Variants in GARRE1 observed in about 807,000 individuals in gnomAD.
The protein encoded by GARRE1 is granule associated Rac and RHOG effector 1, also known as granule associated Rac and RHOG effector protein 1.
GARRE1 carries 49 observed loss-of-function variants against 103.2 expected under a neutral mutation model. The ratio of observed to expected loss-of-function variants is 0.47; its 90% CI spans 0.38 to 0.60. The LOEUF (loss-of-function observed/expected upper bound fraction) is 0.60, where lower values mean the gene tolerates loss of function less well. Ranked by LOEUF, GARRE1 falls within the 20% of genes least tolerant of loss-of-function variation. The pLI is 0.00. For missense variants in GARRE1, 1,199 were observed against 1,370.5 expected, an observed-to-expected ratio of 0.87 and a Z score of 1.98; for synonymous variants, 505 against 532.8, an observed-to-expected ratio of 0.95 and a Z score of 0.72.
chr19:34,296,668 G>A (rs1019875377), intron 1 of GARRE1: 19 of 907,936 alleles, frequency 2.1e-5, no homozygotes, highest in Admixed American at 5.6e-5. Context: ...CTTTGTGATC[G>A]GGGTTTCTTG....
Position 34,342,277 on chromosome 19 carries a change from A to G in GARRE1, c.2343A>G (p.Ile781Met), listed in dbSNP as rs745472349. The G allele has an allele frequency of 3.7e-6, 6 of 1,614,070 alleles. No individual in the cohort carries two copies. The African/African-American group carries it at 6.7e-5, about 18-fold the overall frequency. ...CTCCTCTTGGTCAGTGGCCTGGCAT[A>G]TCTGATCTCAGTTCTGACTTGTACA... ...GLSPLGQWPG[I>M]SDLSSDLYSL... Residue 781 changes from isoleucine (I) to methionine (M), a missense_variant, in exon 10 of 14, where the codon ATA becomes ATG. By Grantham distance (10) the Ile-to-Met change is conservative. Transcript: ENST00000299505.
At position 34,352,949 on chromosome 19, in the gene GARRE1, G is replaced by A; in HGVS notation, c.3207G>A (p.Gln1069=). ...KGERRPAYLP[Q]Y is the part of the protein sequence containing the mutation. ...AGCGCAGGCCAGCCTATCTGCCCCA[G>A]TACTGACCCCAGGCCAGCCAGCCTG... The change falls in exon 14 of 14, where the codon CAG becomes CAA. Residue 1069 remains glutamine (Q), a synonymous_variant. Coordinates refer to ENST00000299505, the MANE Select transcript of GARRE1 (RefSeq NM_014686.5). 1 of 1,506,816 alleles carries A rather than the reference G, an allele frequency of 6.6e-7. No individual in the cohort carries two copies. The highest frequency in any genetic ancestry group is 8.9e-7 in the Non-Finnish European group (1 of 1,123,288). 93.3% of individuals were successfully genotyped at this position (1,506,816 alleles called of 1,614,324 possible).
At chr19:34,254,728 G>A (rs1372034719) in intron 1 of GARRE1, 114 bp downstream of exon 1, 1 of 147,592 alleles carries the variant, frequency 6.8e-6, no homozygotes, top group African/African-American at 2.4e-5. Context: ...ACGGGCCCGC[G>A]GGGCGCCGCT....
chr19:34,352,350 C>T (rs938263292), intron 13 of GARRE1, among the ~76,000 whole-genome samples: 4 of 145,844 alleles, frequency 2.7e-5, no homozygotes, highest in African/African-American at 7.7e-5. Context: ...TGCAGTGAGC[C>T]GAGATCGTAC....
intron 2 of GARRE1, among the ~76,000 whole-genome samples, chr19:34,311,530 A>T (rs1453494162): frequency 2.0e-5 from 3 of 152,154 alleles, no homozygotes; most frequent in Non-Finnish European, 2.9e-5. Context: ...GCTCCTTGTG[A>T]TGCCCTGGCG....
intron 1 of GARRE1, among the ~76,000 whole-genome samples, chr19:34,288,788 C>T (rs950882476): frequency 1.3e-5 from 2 of 152,122 alleles, no homozygotes; most frequent in Non-Finnish European, 2.9e-5. Flanking sequence ...TAGTAGTGTC[C>T]CTGTAAGCTG....
In GARRE1 at chr19:34,330,225, T is replaced by C; in HGVS notation, c.1141T>C (p.Tyr381His). The C allele has an allele frequency of 6.2e-7, 1 of 1,614,144 alleles. No homozygotes were observed. Among genetic ancestry groups the C allele is most frequent in the Non-Finnish European group, 8.5e-7 (1 of 1,179,978 alleles). The change falls in exon 7 of 14, where the codon TAT becomes CAT. Residue 381 changes from tyrosine to histidine, a missense_variant. Transcript: ENST00000299505. ...MLQLMKEAGC[Y>H]NGITSRDDFP... ...ACAGCTGATGAAGGAGGCAGGCTGC[T>C]ATAATGGAATCACATCCAGGGATGA...
intron 1 of GARRE1, among the ~76,000 whole-genome samples, chr19:34,292,318 A>G (rs2073922597): frequency 6.6e-6 from 1 of 152,098 alleles, no homozygotes; most frequent in Non-Finnish European, 1.5e-5. Flanking sequence ...ATTCCTTTTT[A>G]TAGTTGAATA....
intron 3 of GARRE1, among the ~76,000 whole-genome samples, chr19:34,321,548 G>T (rs2074088977): frequency 6.6e-6 from 1 of 151,460 alleles, no homozygotes; most frequent in South Asian, 2.1e-4. Context: ...TCCGCCTGCC[G>T]GGTTCAAACA....
At chr19:34,326,781 A>G (rs748516407) in intron 3 of GARRE1, among the ~76,000 whole-genome samples, 1 of 152,010 alleles carries the variant, frequency 6.6e-6, no homozygotes, top group Non-Finnish European at 1.5e-5. Flanking sequence ...GAGTATATAC[A>G]CACATATATA....
chr19:34,317,910 C>T (rs981936625), intron 2 of GARRE1, among the ~76,000 whole-genome samples: 1 of 152,188 alleles, frequency 6.6e-6, no homozygotes, highest in Non-Finnish European at 1.5e-5. Flanking sequence ...ACCTGTCTAA[C>T]TGGCCTAGGT....
chr19:34,303,480 CAAG>C (rs780524899), intron 2 of GARRE1, among the ~76,000 whole-genome samples: 45 of 152,274 alleles, frequency 3.0e-4, no homozygotes, highest in African/African-American at 9.1e-4. Flanking sequence ...AAGGAATTTC[CAAG>C]AAGAACTTAG....
chr19:34,352,963 C>A lies in GARRE1; in HGVS notation c.*8C>A. 9.1e-6 allele frequency: 13 copies of A among 1,426,574 alleles called. No homozygotes were observed. The highest frequency in any genetic ancestry group is 1.2e-5 in the Non-Finnish European group (13 of 1,079,716). The allele number at this position is 1,426,574 out of a possible 1,614,324, so 88.4% of individuals were successfully genotyped here. ...TATCTGCCCCAGTACTGACCCCAGG[C>A]CAGCCAGCCTGCCTGCCTGCCTGCC... On this transcript the variant is annotated 3_prime_UTR_variant, in exon 14 of 14. Coordinates refer to ENST00000299505, the MANE Select transcript of GARRE1 (RefSeq NM_014686.5).
intron 1 of GARRE1, among the ~76,000 whole-genome samples, chr19:34,276,453 G>GT (rs1224553230): frequency 6.6e-6 from 1 of 152,188 alleles, no homozygotes; most frequent in African/African-American, 2.4e-5. Context: ...AAAAGAGTGT[G>GT]TGTGGGTATG....
chr19:34,275,051 C>G (rs1030081236), intron 1 of GARRE1, among the ~76,000 whole-genome samples: 4 of 152,112 alleles, frequency 2.6e-5, no homozygotes, highest in African/African-American at 9.7e-5. Flanking sequence ...CTTTGAACTT[C>G]ATAGACAATA....
intron 1 of GARRE1, among the ~76,000 whole-genome samples, chr19:34,292,747 T>G (rs2073925262): frequency 6.6e-6 from 1 of 152,048 alleles, no homozygotes; most frequent in Non-Finnish European, 1.5e-5. Context: ...GCTAAATTTT[T>G]TTTTTTTTTT....
At chr19:34,314,667 T>C (rs1365236675) in intron 2 of GARRE1, among the ~76,000 whole-genome samples, 1 of 152,230 alleles carries the variant, frequency 6.6e-6, no homozygotes, top group African/African-American at 2.4e-5. Context: ...TGAGCTTGCT[T>C]TCTCCCTCGT....
At chr19:34,275,132 A>G (rs951227155) in intron 1 of GARRE1, among the ~76,000 whole-genome samples, 1 of 148,970 alleles carries the variant, frequency 6.7e-6, no homozygotes, top group Non-Finnish European at 1.5e-5. Flanking sequence ...TTGGATTTGC[A>G]TTTTTGTGGA....
At chr19:34,314,845 A>C (rs1364345155) in intron 2 of GARRE1, among the ~76,000 whole-genome samples, 2 of 152,144 alleles carry the variant, frequency 1.3e-5, no homozygotes, top group African/African-American at 4.8e-5. Flanking sequence ...TAGCCCAGGC[A>C]TGGTCTGCTG....
Sources: gnomAD v4.1 joint callset for allele counts (sites outside exome capture counted in the v4.1 genomes callset) on GRCh38, gnomAD v4.1.1 for gene constraint, MANE v1.5 for transcripts, NCBI Gene and HGNC (gene_info 2026-07-23, HGNC 2026-07-21) for gene names.